Variants in NBEA observed in about 807,000 individuals in gnomAD.
NBEA encodes the protein neurobeachin, also known as lysosomal-trafficking regulator 2.
Under a neutral mutation model 343.4 loss-of-function variants are expected in NBEA, and 44 were observed. That is an observed-to-expected ratio of 0.13 (90% CI 0.10 to 0.16). NBEA has a LOEUF of 0.16. NBEA is among the 10% of genes least tolerant of loss of function. The pLI is 1.00. For missense variants in NBEA, 2,555 were observed against 3,631.3 expected (o/e 0.70, Z 7.62); for synonymous variants, 1,175 against 1,238.7 (o/e 0.95, Z 1.08).
chr13:35,527,548 G>A (rs1182352228), intron 41 of NBEA, among the ~76,000 whole-genome samples: 3 of 152,150 alleles, frequency 2.0e-5, no homozygotes, highest in Admixed American at 1.3e-4. Flanking sequence ...GTCCAGACGG[G>A]GCCCCAAGGC....
intron 8 of NBEA, among the ~76,000 whole-genome samples, chr13:35,068,331 A>G (rs1040967961): frequency 1.3e-5 from 2 of 152,220 alleles, no homozygotes; most frequent in African/African-American, 4.8e-5. Context: ...TAAATCTTTT[A>G]AGAGAATATA....
intron 38 of NBEA, among the ~76,000 whole-genome samples, chr13:35,421,923 G>C (rs1325679151): frequency 1.3e-5 from 2 of 151,844 alleles, no homozygotes; most frequent in Admixed American, 1.3e-4. Flanking sequence ...CTTTTCTCTG[G>C]CTGCTCTTTA....
chr13:35,403,987 A>AG (rs1308524207), intron 38 of NBEA, among the ~76,000 whole-genome samples: 14 of 150,476 alleles, frequency 9.3e-5, no homozygotes, highest in African/African-American at 3.2e-4. Context: ...TGCAGCCAAA[A>AG]ACACATGAAA....
intron 17 of NBEA, among the ~76,000 whole-genome samples, chr13:35,131,526 A>G (rs1482052414): frequency 2.6e-5 from 4 of 152,216 alleles, no homozygotes; most frequent in Non-Finnish European, 5.9e-5. Flanking sequence ...CAAACCACAA[A>G]TAGAAAATAA....
chr13:35,206,703 T>G lies in NBEA; in HGVS notation c.5367-1997T>G, dbSNP rs191230721. ...ATAATACACTTCATAATTGACAAAGTCCATTTAAATATGATCTCATTTAAT... is the reference window on the plus strand; with the variant it reads ...ATAATACACTTCATAATTGACAAAGGCCATTTAAATATGATCTCATTTAAT... On this transcript the variant is annotated intron_variant, in intron 31 of 58. Coordinates refer to ENST00000379939, the MANE Select transcript of NBEA (RefSeq NM_001385012.1). Among the ~76,000 whole-genome samples, 126 of 152,202 alleles carry G rather than the reference T, an allele frequency of 8.3e-4. 1 individual carries two copies. The highest frequency in any genetic ancestry group is 2.8e-3 in the African/African-American group (115 of 41,554).
At chr13:35,470,622 AG>A (rs2075600042) in intron 40 of NBEA, among the ~76,000 whole-genome samples, 1 of 152,154 alleles carries the variant, frequency 6.6e-6, no homozygotes, top group South Asian at 2.1e-4. Context: ...GCCCCAAGCA[AG>A]AGTAAACCGC....
At chr13:35,515,336 C>T (rs1303599700) in intron 41 of NBEA, among the ~76,000 whole-genome samples, 1 of 152,160 alleles carries the variant, frequency 6.6e-6, no homozygotes, top group African/African-American at 2.4e-5. Flanking sequence ...CTCAGAGCTG[C>T]ATTTTAATGC....
intron 34 of NBEA, among the ~76,000 whole-genome samples, chr13:35,238,356 C>T (rs1315098124): frequency 1.3e-5 from 2 of 152,168 alleles, no homozygotes; most frequent in Non-Finnish European, 2.9e-5. Context: ...GTAACAAAGA[C>T]TACTCCCTTT....
intron 44 of NBEA, among the ~76,000 whole-genome samples, chr13:35,556,520 A>T (rs56260123): frequency 0.16 from 24,407 of 151,780 alleles, 2,394 homozygotes; most frequent in East Asian, 0.35. Flanking sequence ...CTTTTTTTTA[A>T]TGTCCTCTTG....
chr13:35,333,441 G>A (rs1312382497), intron 36 of NBEA, among the ~76,000 whole-genome samples: 1 of 152,104 alleles, frequency 6.6e-6, no homozygotes, highest in Non-Finnish European at 1.5e-5. Context: ...ATATATTTGT[G>A]GGGTACGAGA....
intron 26 of NBEA, among the ~76,000 whole-genome samples, chr13:35,172,721 A>G (rs1316229511): frequency 2.0e-5 from 3 of 152,032 alleles, no homozygotes; most frequent in Non-Finnish European, 4.4e-5. Flanking sequence ...ACAGCCCTCT[A>G]AGGCAGTTAC....
intron 8 of NBEA, among the ~76,000 whole-genome samples, chr13:35,062,643 AC>A (rs1210161652): frequency 6.6e-6 from 1 of 151,888 alleles, no homozygotes; most frequent in African/African-American, 2.4e-5. Flanking sequence ...ATATCTGTAC[AC>A]ATCTCATCAG....
At chr13:35,314,674 C>T (rs2037599226) in intron 36 of NBEA, among the ~76,000 whole-genome samples, 1 of 152,140 alleles carries the variant, frequency 6.6e-6, no homozygotes, top group Non-Finnish European at 1.5e-5. Context: ...TCATAATCTT[C>T]CTCTGACATT....
intron 11 of NBEA, among the ~76,000 whole-genome samples, chr13:35,105,387 A>G (rs2065867443): frequency 1.3e-5 from 2 of 152,090 alleles, no homozygotes; most frequent in South Asian, 4.1e-4. Flanking sequence ...TGGGTTATCT[A>G]AGTCTCAATA....
intron 38 of NBEA, among the ~76,000 whole-genome samples, chr13:35,352,918 TG>T (rs2040267465): frequency 6.6e-6 from 1 of 152,128 alleles, no homozygotes; most frequent in African/African-American, 2.4e-5. Flanking sequence ...CAATTATTGT[TG>T]TTGTTGTTGT....
chr13:35,520,829 T>C (rs993004628), intron 41 of NBEA, among the ~76,000 whole-genome samples: 1 of 152,224 alleles, frequency 6.6e-6, no homozygotes, highest in African/African-American at 2.4e-5. Flanking sequence ...TCTAAGTCTT[T>C]ATATCACTTC....
chr13:35,358,091 G>A (rs1162417545), intron 38 of NBEA, among the ~76,000 whole-genome samples: 2 of 151,806 alleles, frequency 1.3e-5, no homozygotes, highest in Non-Finnish European at 2.9e-5. Flanking sequence ...GCACGATCTC[G>A]GCTCACTGCA....
chr13:35,670,933 T>C lies in NBEA; in HGVS notation c.8846T>C (p.Ile2949Thr). The C allele has an allele frequency of 6.3e-7, 1 of 1,596,862 alleles. No individual in the cohort carries two copies. Among genetic ancestry groups the C allele is most frequent in the Non-Finnish European group, 8.5e-7 (1 of 1,170,860 alleles). ...ATCACTGGCATGGCTTCTGGTAGCATTGTAGCTTTTAATATAGATTTTAAT... is the reference window on the plus strand; with the variant it reads ...ATCACTGGCATGGCTTCTGGTAGCACTGTAGCTTTTAATATAGATTTTAAT... ...TLITGMASGS[I>T]VAFNIDFNRW... The change falls in exon 59 of 59, where the codon ATT becomes ACT. Residue 2949 changes from isoleucine (I) to threonine (T), a missense_variant. Around this residue, in one of 21 missense-constraint regions of NBEA, gnomAD observed 186 missense variants for 328.9 expected, o/e 0.57. Coordinates refer to ENST00000379939, the MANE Select transcript of NBEA (RefSeq NM_001385012.1).
At chr13:34,996,541 A>G (rs1166321290) in intron 1 of NBEA, among the ~76,000 whole-genome samples, 1 of 152,054 alleles carries the variant, frequency 6.6e-6, no homozygotes. Flanking sequence ...CTTGGTTTTT[A>G]GAAGTGATTT....
Sources: allele counts gnomAD v4.1 joint callset (sites outside exome capture counted in the v4.1 genomes callset), GRCh38; gene constraint gnomAD v4.1.1; regional missense constraint gnomAD v4.1.1; transcripts MANE v1.5; gene names NCBI Gene and HGNC (gene_info 2026-07-23, HGNC 2026-07-21).